Variants in LDLRAD4 observed in about 807,000 individuals in gnomAD.
The protein encoded by LDLRAD4 is low density lipoprotein receptor class A domain containing 4, also known as low-density lipoprotein receptor class A domain-containing protein 4.
A neutral mutation model predicts 17.0 loss-of-function variants in LDLRAD4; 5 were observed. That is an observed-to-expected ratio of 0.29 (90% CI 0.15 to 0.62). The LOEUF (loss-of-function observed/expected upper bound fraction) is 0.62. LDLRAD4 is among the 20% of genes least tolerant of loss of function. The pLI is 0.84. For missense variants in LDLRAD4, 340 were observed against 424.7 expected (o/e 0.80, Z 1.75); for synonymous variants, 168 against 171.8 (o/e 0.98, Z 0.17).
At chr18:13,599,927 A>G (rs1453124283) in intron 3 of LDLRAD4, among the ~76,000 whole-genome samples, 3 of 152,364 alleles carry the variant, frequency 2.0e-5, no homozygotes, top group East Asian at 1.9e-4. Context: ...CAAAAGAAAG[A>G]AAATTATCTT....
intron 4 of LDLRAD4, among the ~76,000 whole-genome samples, chr18:13,632,185 G>C (rs2041722460): frequency 6.6e-6 from 1 of 152,218 alleles, no homozygotes; most frequent in Non-Finnish European, 1.5e-5. Flanking sequence ...CACTTCGCCA[G>C]TCAGAAACCT....
chr18:13,502,827 G>A (rs1179590090), intron 3 of LDLRAD4, among the ~76,000 whole-genome samples: 1 of 152,252 alleles, frequency 6.6e-6, no homozygotes. Flanking sequence ...AGCTGGTGGG[G>A]AACTTCACCC....
chr18:13,236,365 A>G (rs1161335045), intron 1 of LDLRAD4: 1 of 135,750 alleles, frequency 7.4e-6, no homozygotes, highest in African/African-American at 3.0e-5. Context: ...GCTGGAGTGC[A>G]GTAGTGCGAT....
At chr18:13,365,448 T>C (rs1009768473) in intron 1 of LDLRAD4, among the ~76,000 whole-genome samples, 2 of 152,236 alleles carry the variant, frequency 1.3e-5, no homozygotes, top group African/African-American at 4.8e-5. Flanking sequence ...TGTAGTGCGC[T>C]GTGAGAGTGG....
At chr18:13,600,248 T>C (rs2095145848) in intron 3 of LDLRAD4, among the ~76,000 whole-genome samples, 1 of 152,214 alleles carries the variant, frequency 6.6e-6, no homozygotes, top group African/African-American at 2.4e-5. Context: ...TTAATTGAAG[T>C]CCAGTTTAAA....
At chr18:13,361,597 C>G (rs1257406156) in intron 1 of LDLRAD4, among the ~76,000 whole-genome samples, 4 of 152,184 alleles carry the variant, frequency 2.6e-5, no homozygotes, top group Non-Finnish European at 4.4e-5. Context: ...CCTCTTCATG[C>G]TAGTTCTTTC....
rs71366054 is a variant in LDLRAD4 at position 13,473,636 on chromosome 18, CATATATAT to C, written c.181+35288_181+35295del. Among the ~76,000 whole-genome samples, 180 of 28,746 alleles carry C rather than the reference CATATATAT, an allele frequency of 6.3e-3. 2 individuals are homozygous for C. Among genetic ancestry groups the C allele is most frequent in the South Asian group, 0.029 (22 of 770 alleles). 18.9% of individuals were successfully genotyped at this position (28,746 alleles called of 152,430 possible). On this transcript the variant is annotated intron_variant, in intron 3 of 5. Coordinates refer to ENST00000359446, the Ensembl canonical transcript of LDLRAD4. ...TGGGCAGCACAGTAAGATCCCATCT[CATATATAT>C]ATATATATATATATATATATATATA...
intron 2 of LDLRAD4, chr18:13,423,549 G>A (rs565066315): frequency 6.6e-5 from 10 of 152,386 alleles, no homozygotes; most frequent in African/African-American, 2.2e-4. Flanking sequence ...ACTGTGCTGT[G>A]TCTTGAGCAT....
At chr18:13,357,963 A>G (rs575278854) in intron 1 of LDLRAD4, among the ~76,000 whole-genome samples, 19 of 152,290 alleles carry the variant, frequency 1.2e-4, no homozygotes, top group African/African-American at 4.3e-4. Flanking sequence ...AGTTCAAACT[A>G]TCCTATCCCT....
intron 1 of LDLRAD4, among the ~76,000 whole-genome samples, chr18:13,219,460 C>T (rs183463728): frequency 6.6e-6 from 1 of 152,122 alleles, no homozygotes; most frequent in Non-Finnish European, 1.5e-5. Context: ...TTGGCATCTT[C>T]TCATCCCCGG....
chr18:13,412,961 T>G (rs1313486571), intron 2 of LDLRAD4, among the ~76,000 whole-genome samples: 1 of 152,208 alleles, frequency 6.6e-6, no homozygotes, highest in Non-Finnish European at 1.5e-5. Flanking sequence ...GCTGCTTCCT[T>G]CTCCTGGTAC....
chr18:13,561,049 G>A (rs1465578270), intron 3 of LDLRAD4, among the ~76,000 whole-genome samples: 1 of 42,898 alleles, frequency 2.3e-5, no homozygotes, highest in Admixed American at 3.1e-4. Context: ...TTCTTCCCCT[G>A]TGAATTGGCT....
chr18:13,567,210 A>G (rs1367918630), intron 3 of LDLRAD4, among the ~76,000 whole-genome samples: 1 of 152,154 alleles, frequency 6.6e-6, no homozygotes, highest in African/African-American at 2.4e-5. Flanking sequence ...TTTTGTGGGT[A>G]CCCTAAGAGT....
At chr18:13,587,616 T>C (rs537473507) in intron 3 of LDLRAD4, among the ~76,000 whole-genome samples, 1 of 152,332 alleles carries the variant, frequency 6.6e-6, no homozygotes, top group South Asian at 2.1e-4. Context: ...CCACCTCCAA[T>C]AGACACATGA....
intron 3 of LDLRAD4, among the ~76,000 whole-genome samples, chr18:13,583,886 C>T (rs763989876): frequency 6.6e-6 from 1 of 152,148 alleles, no homozygotes; most frequent in Non-Finnish European, 1.5e-5. Context: ...ATGGAACCTG[C>T]GAGCACTTTC....
At chr18:13,247,828 T>C (rs1015176509) in intron 1 of LDLRAD4, among the ~76,000 whole-genome samples, 2 of 152,178 alleles carry the variant, frequency 1.3e-5, no homozygotes, top group Non-Finnish European at 2.9e-5. Flanking sequence ...ACAGTTTTCA[T>C]AGGCCACGGG....
At chr18:13,388,639 G>C (rs2086017385) in intron 2 of LDLRAD4, among the ~76,000 whole-genome samples, 1 of 152,238 alleles carries the variant, frequency 6.6e-6, no homozygotes, top group South Asian at 2.1e-4. Flanking sequence ...CTGTTGGGAT[G>C]CCTGGAGAGA....
chr18:13,641,768 G>T, intron 4 of LDLRAD4: 5 of 985,502 alleles, frequency 5.1e-6, no homozygotes, highest in Non-Finnish European at 6.0e-6. Context: ...GCCGGGCCTC[G>T]GGGGCGCAGC....
At chr18:13,563,718 T>A (rs529022618) in intron 3 of LDLRAD4, among the ~76,000 whole-genome samples, 6 of 152,030 alleles carry the variant, frequency 3.9e-5, no homozygotes, top group African/African-American at 1.5e-4. Flanking sequence ...AATAAACACT[T>A]AAGTGCCTGG....
Sources: allele counts gnomAD v4.1 joint callset (sites outside exome capture counted in the v4.1 genomes callset), GRCh38; gene constraint gnomAD v4.1.1; transcripts MANE v1.5; gene names NCBI Gene and HGNC (gene_info 2026-07-23, HGNC 2026-07-21).